PDE7A: variants seen among roughly 807,000 people sequenced by gnomAD.
PDE7A encodes high affinity 3',5'-cyclic-AMP phosphodiesterase 7A.
A neutral mutation model predicts 64.3 loss-of-function variants in PDE7A; 39 were observed. That is an observed-to-expected ratio of 0.61 (90% confidence interval 0.47 to 0.79). The LOEUF is 0.79. PDE7A is among the 30% of genes least tolerant of loss of function. The pLI, the probability that PDE7A is intolerant of heterozygous loss-of-function variation, is 0.00. For synonymous variants in PDE7A, 203 were observed against 206.8 expected, an observed-to-expected ratio of 0.98 and a Z score of 0.16; for missense variants, 470 against 582.8, an observed-to-expected ratio of 0.81 and a Z score of 1.99.
chr8:65,841,471 TC>T lies in PDE7A; in HGVS notation c.37del (p.Asp13ThrfsTer54). The T allele has an allele frequency of 6.4e-7, 1 of 1,556,964 alleles. No homozygotes were observed. Among genetic ancestry groups the T allele is most frequent in the Non-Finnish European group, 8.6e-7 (1 of 1,157,196 alleles). On this transcript the variant is annotated frameshift_variant, in exon 1 of 13. Coordinates refer to ENST00000401827, the MANE Select transcript of PDE7A (RefSeq NM_001242318.3). LOFTEE classifies it high-confidence loss of function. ...VCYQLPVLPL[D>X]RPVPQHVLSR... Reference sequence around the variant, plus strand: ...GAGGACGTGCTGGGGGACCGGCCTGTCCAGGGGCAGTACCGGCAGCTGGTAA... The same window carrying T: ...GAGGACGTGCTGGGGGACCGGCCTGTCAGGGGCAGTACCGGCAGCTGGTAA...
intron 1 of PDE7A, among the ~76,000 whole-genome samples, chr8:65,806,258 A>C (rs1020146582): frequency 6.6e-6 from 1 of 152,146 alleles, no homozygotes; most frequent in African/African-American, 2.4e-5. Flanking sequence ...TAATTCTTGG[A>C]CACTTTTAAC....
intron 1 of PDE7A, among the ~76,000 whole-genome samples, chr8:65,789,911 G>A (rs1809654470): frequency 1.3e-5 from 2 of 152,210 alleles, no homozygotes; most frequent in Admixed American, 1.3e-4. Context: ...TAGTTGGAGT[G>A]TACATTAATC....
intron 3 of PDE7A, among the ~76,000 whole-genome samples, chr8:65,748,364 A>G (rs1485818453): frequency 6.6e-6 from 1 of 152,214 alleles, no homozygotes; most frequent in East Asian, 1.9e-4. Context: ...AGTGTTCTAA[A>G]GGATAGGGAT....
chr8:65,797,461 T>C (rs746038891), intron 1 of PDE7A, among the ~76,000 whole-genome samples: 1 of 151,532 alleles, frequency 6.6e-6, no homozygotes, highest in Non-Finnish European at 1.5e-5. Flanking sequence ...AAAAAGAAGC[T>C]AGAAGAGGCA....
At chr8:65,841,265 C>T in intron 1 of PDE7A, 106 bp downstream of exon 1, 1 of 1,258,008 alleles carries the variant, frequency 7.9e-7, no homozygotes, top group Non-Finnish European at 1.0e-6. Context: ...AATCCCCAGA[C>T]AATGGACAAT....
intron 1 of PDE7A, among the ~76,000 whole-genome samples, chr8:65,833,900 G>A (rs916079420): frequency 6.6e-6 from 1 of 152,086 alleles, no homozygotes; most frequent in Non-Finnish European, 1.5e-5. Flanking sequence ...GCAATGAGCC[G>A]AGATACTGCC....
At chr8:65,796,603 C>G (rs1245289704) in intron 1 of PDE7A, among the ~76,000 whole-genome samples, 3 of 152,002 alleles carry the variant, frequency 2.0e-5, no homozygotes, top group Non-Finnish European at 4.4e-5. Context: ...ATCATACAAT[C>G]AGTTCAATTG....
intron 1 of PDE7A, among the ~76,000 whole-genome samples, chr8:65,807,782 G>A: frequency 6.6e-6 from 1 of 152,196 alleles, no homozygotes; most frequent in East Asian, 1.9e-4. Flanking sequence ...CTACTGGGAT[G>A]AGCACATGGC....
chr8:65,835,121 T>G (rs1033000574), intron 1 of PDE7A, among the ~76,000 whole-genome samples: 8 of 152,234 alleles, frequency 5.3e-5, no homozygotes, highest in African/African-American at 1.9e-4. Context: ...AATTCAAAAT[T>G]GTCTCTCAAT....
intron 3 of PDE7A, among the ~76,000 whole-genome samples, chr8:65,778,820 C>T (rs923385646): frequency 6.6e-6 from 1 of 152,174 alleles, no homozygotes; most frequent in African/African-American, 2.4e-5. Context: ...TTAATGTATT[C>T]GGTGAGTGAG....
chr8:65,808,003 A>G (rs67441920), intron 1 of PDE7A, among the ~76,000 whole-genome samples: 73,026 of 152,026 alleles, frequency 0.48, 20,410 homozygotes, highest in African/African-American at 0.77. Flanking sequence ...CGAGTGTCAT[A>G]CTGGAGCCTG....
In PDE7A at chr8:65,715,181, T is replaced by C. The variant is rs937015920; in HGVS notation, c.*4109A>G. 2.2e-4 allele frequency among the ~76,000 whole-genome samples: 34 copies of C among 152,290 alleles called. No individual in the cohort carries two copies. Among genetic ancestry groups the C allele is most frequent in the African/African-American group, 8.2e-4 (34 of 41,574 alleles). ...CTTTTTAAAAAAGTAATCTTTTAAA[T>C]ATTTAACTGTTTCCTAAAATTTTTT... On this transcript the variant is annotated 3_prime_UTR_variant, in exon 13 of 13. Coordinates refer to ENST00000401827, the MANE Select transcript of PDE7A (RefSeq NM_001242318.3).
At chr8:65,773,832 T>G (rs573095948) in intron 3 of PDE7A, among the ~76,000 whole-genome samples, 1 of 152,304 alleles carries the variant, frequency 6.6e-6, no homozygotes, top group East Asian at 1.9e-4. Flanking sequence ...ATGCCCCCTA[T>G]TTAAAACTTC....
Position 65,811,597 on chromosome 8 carries a change from C to T in PDE7A, c.139-28754G>A, listed in dbSNP as rs532968662. On this transcript the variant is annotated intron_variant, in intron 1 of 12. Coordinates refer to ENST00000401827, the MANE Select transcript of PDE7A (RefSeq NM_001242318.3). ...AATATCCAGCACAGCAGCTATTCTC[C>T]TTTGACTGTTTATGCCAGGCACTGC... Among the ~76,000 whole-genome samples, 3 of 152,336 alleles carry T rather than the reference C, an allele frequency of 2.0e-5. No individual in the cohort carries two copies. The South Asian group carries it at 6.2e-4, about 32-fold the overall frequency.
intron 1 of PDE7A, among the ~76,000 whole-genome samples, chr8:65,795,136 AAGTT>A (rs1809805081): frequency 6.6e-6 from 1 of 152,188 alleles, no homozygotes; most frequent in African/African-American, 2.4e-5. Flanking sequence ...AACAACTAAA[AAGTT>A]AAGCTTTCAA....
intron 1 of PDE7A, among the ~76,000 whole-genome samples, chr8:65,805,047 T>TA (rs1486544354): frequency 7.4e-4 from 112 of 151,970 alleles, no homozygotes; most frequent in African/African-American, 2.2e-3. Flanking sequence ...TCTCCCTATA[T>TA]TGCCCAGGCT....
Position 65,841,354 on chromosome 8 carries a change from CCGG to C in PDE7A, c.138+14_138+16del. The C allele has an allele frequency of 1.3e-6, 2 of 1,523,528 alleles. No individual in the cohort carries two copies. Among genetic ancestry groups the C allele is most frequent in the African/African-American group, 1.4e-5 (1 of 69,368 alleles). 94.4% of individuals were successfully genotyped at this position (1,523,528 alleles called of 1,614,324 possible). On this transcript the variant is annotated intron_variant, in intron 1 of 12. Coordinates refer to ENST00000401827, the MANE Select transcript of PDE7A (RefSeq NM_001242318.3). ...AAGAGAGAAGCCCTCAAGTGTGGGC[CCGG>C]CGGCGGCGATTACCTGAGAGAGCTG...
At chr8:65,832,517 T>G (rs1264111833) in intron 1 of PDE7A, among the ~76,000 whole-genome samples, 1 of 152,198 alleles carries the variant, frequency 6.6e-6, no homozygotes, top group Non-Finnish European at 1.5e-5. Context: ...CTTCAAGCTA[T>G]AAACTCACTT....
intron 1 of PDE7A, 133 bp downstream of exon 1, chr8:65,841,238 C>G: frequency 9.3e-7 from 1 of 1,075,342 alleles, no homozygotes; most frequent in Non-Finnish European, 1.2e-6. Flanking sequence ...GCTCTGCAAT[C>G]GAAAGGCCAG....
Sources: gnomAD v4.1 joint callset for allele counts (sites outside exome capture counted in the v4.1 genomes callset) on GRCh38, gnomAD v4.1.1 for gene constraint, MANE v1.5 for transcripts, NCBI Gene and HGNC (gene_info 2026-07-23, HGNC 2026-07-21) for gene names.